C2CD5: variants seen among roughly 807,000 people sequenced by gnomAD.
C2CD5 encodes C2 domain-containing protein 5.
Under a neutral mutation model 130.3 loss-of-function variants are expected in C2CD5, and 109 were observed. The observed-to-expected ratio is 0.84, with a 90% confidence interval of 0.72 to 0.98. The LOEUF is 0.98. Ranked by LOEUF, C2CD5 falls within the 50% of genes least tolerant of loss-of-function variation. The probability of loss-of-function intolerance (pLI) is 0.00; values close to 1 mark genes in which losing one functional copy is unlikely to be tolerated. For missense variants in C2CD5, 996 were observed against 1,261.8 expected, an observed-to-expected ratio of 0.79 and a Z score of 3.19; for synonymous variants, 454 against 429.2, an observed-to-expected ratio of 1.06 and a Z score of -0.71.
In C2CD5 at chr12:22,482,736, G is replaced by T; in HGVS notation, c.1558C>A (p.Arg520Ser). Residue 520 changes from arginine to serine, a missense_variant, in exon 14 of 27, where the codon CGC becomes AGC. Transcript: ENST00000446597. ...TCTGCCTGTGCTTTCTTTTTTAAGC[G>T]ACATAACCTGTAAAGGAAAATAAGT... The part of the protein sequence containing the change: ...KGCLIQARLC[R>S]LKKKAQAEAN... 6.2e-7 allele frequency: 1 copy of T among 1,611,710 alleles called. No homozygotes were observed. The highest frequency in any genetic ancestry group is 1.1e-5 in the South Asian group (1 of 90,982).
intron 10 of C2CD5, among the ~76,000 whole-genome samples, chr12:22,503,560 G>A (rs1480896997): frequency 1.3e-5 from 2 of 152,116 alleles, no homozygotes; most frequent in African/African-American, 2.4e-5. Context: ...ACCTAGGCTG[G>A]AGTGCAGTGG....
intron 22 of C2CD5, among the ~76,000 whole-genome samples, chr12:22,467,215 G>C (rs1173167070): frequency 3.3e-5 from 5 of 152,050 alleles, no homozygotes; most frequent in Non-Finnish European, 7.4e-5. Flanking sequence ...TGTCGCCCAG[G>C]CTGGAGTGCA....
Position 22,449,835 on chromosome 12 carries a change from G to A in C2CD5, c.3081C>T (p.Asp1027=). 2 of 1,611,098 alleles carry A rather than the reference G, an allele frequency of 1.2e-6. No homozygotes were observed. Among genetic ancestry groups the A allele is most frequent in the Non-Finnish European group, 1.7e-6 (2 of 1,177,744 alleles). The change falls in exon 27 of 27, where the codon GAC becomes GAT. Residue 1027 remains aspartate, a synonymous_variant. Coordinates refer to ENST00000446597, the MANE Select transcript of C2CD5 (RefSeq NM_001286176.2). ...GDAVVFVRES[D]LEVVSSQQPT... is the part of the protein sequence containing the mutation. ...GTTGCTGAGATGACACCACTTCTAA[G>A]TCAGATTCACGAACAAAAACCACTG... is the stretch of plus-strand genomic sequence containing the variant.
At chr12:22,512,597 A>G in intron 9 of C2CD5, 1 of 1,230,438 alleles carries the variant, frequency 8.1e-7, no homozygotes, top group Non-Finnish European at 1.1e-6. Context: ...TTAAAACTAG[A>G]AAGCTATCAA....
chr12:22,502,818 A>G (rs1477145989), intron 10 of C2CD5: 5 of 1,490,328 alleles, frequency 3.4e-6, no homozygotes, highest in Non-Finnish European at 4.5e-6. Flanking sequence ...AGTTCAAAAC[A>G]GCAAATTAGT....
At chr12:22,493,866 T>C (rs1946666699) in intron 10 of C2CD5, among the ~76,000 whole-genome samples, 1 of 151,654 alleles carries the variant, frequency 6.6e-6, no homozygotes, top group Admixed American at 6.6e-5. Context: ...TGTGGGTCTT[T>C]AGGCAAAATA....
chr12:22,542,831 A>T (rs1392579822), intron 2 of C2CD5, among the ~76,000 whole-genome samples: 1 of 152,218 alleles, frequency 6.6e-6, no homozygotes, highest in Non-Finnish European at 1.5e-5. Flanking sequence ...CTATAGCAGG[A>T]CTGTTGTGAA....
chr12:22,527,624 T>C (rs1950847199), intron 4 of C2CD5, 97 bp downstream of exon 4: 5 of 719,894 alleles, frequency 6.9e-6, no homozygotes, highest in Non-Finnish European at 1.1e-5. Context: ...AGCCTAAAGA[T>C]ACATATTTTA....
At chr12:22,474,571 T>C (rs1431812713) in intron 16 of C2CD5, among the ~76,000 whole-genome samples, 180 bp downstream of exon 16, 2 of 152,204 alleles carry the variant, frequency 1.3e-5, no homozygotes, top group African/African-American at 4.8e-5. Flanking sequence ...TGACCTGGTA[T>C]TGAACAAACA....
chr12:22,470,965 T>C (rs1269752960), intron 20 of C2CD5, 54 bp from the exon 21 acceptor site: 14 of 1,276,822 alleles, frequency 1.1e-5, no homozygotes, highest in African/African-American at 1.5e-5. Flanking sequence ...CAAAACTAAG[T>C]TTCTTACATA....
At chr12:22,496,171 T>C (rs1453498043) in intron 10 of C2CD5, among the ~76,000 whole-genome samples, 20 of 152,148 alleles carry the variant, frequency 1.3e-4, no homozygotes, top group Non-Finnish European at 1.5e-5. Context: ...TTTATACTCA[T>C]GCCAGACATG....
intron 14 of C2CD5, among the ~76,000 whole-genome samples, chr12:22,479,321 G>A (rs563320164): frequency 2.6e-4 from 39 of 152,042 alleles, no homozygotes; most frequent in African/African-American, 7.0e-4. Flanking sequence ...TGATCCGCCT[G>A]CCTTGGCCTC....
At chr12:22,472,192 A>G in intron 18 of C2CD5, 94 bp downstream of exon 18, 2 of 879,216 alleles carry the variant, frequency 2.3e-6, no homozygotes, top group Non-Finnish European at 3.6e-6. Flanking sequence ...TTTAATTGCA[A>G]TAAGGAGGTA....
chr12:22,491,420 C>T (rs188087053), intron 11 of C2CD5, among the ~76,000 whole-genome samples: 1 of 152,240 alleles, frequency 6.6e-6, no homozygotes, highest in East Asian at 1.9e-4. Flanking sequence ...CAAAATCCAA[C>T]TCAAGCATCA....
chr12:22,474,173 A>C (rs867709507), intron 16 of C2CD5, among the ~76,000 whole-genome samples: 8 of 152,184 alleles, frequency 5.3e-5, no homozygotes, highest in South Asian at 2.1e-4. Context: ...GAAAAAGAAA[A>C]ATCTATCTCT....
At position 22,478,132 on chromosome 12, in the gene C2CD5, C is replaced by A. The variant is rs970469196; in HGVS notation, c.1902+181G>T. On this transcript the variant is annotated intron_variant, in intron 15 of 26. Coordinates refer to ENST00000446597, the MANE Select transcript of C2CD5 (RefSeq NM_001286176.2). ...TGAAGTCACAATTTTTAAATAGGATCGTTAGAGTAGGCTTACCCGAAAAGG... is the reference window on the plus strand; with the variant it reads ...TGAAGTCACAATTTTTAAATAGGATAGTTAGAGTAGGCTTACCCGAAAAGG... 1.4e-5 allele frequency: 8 copies of A among 575,248 alleles called. No homozygotes were observed. In the African/African-American group the frequency reaches 1.5e-4, roughly 11 times the overall value. The allele number at this position is 575,248 out of a possible 1,614,324, so 35.6% of individuals were successfully genotyped here. A position where few individuals can be genotyped will look rare whatever the true frequency, so the allele number is the denominator to read the frequency against.
At chr12:22,520,776 AAG>A (rs1475952109) in intron 7 of C2CD5, among the ~76,000 whole-genome samples, 5 of 152,102 alleles carry the variant, frequency 3.3e-5, no homozygotes, top group Admixed American at 2.0e-4. Flanking sequence ...TTCTATTGTC[AAG>A]AGAGTTAAGC....
chr12:22,455,171 T>C (rs1242383352), intron 25 of C2CD5, among the ~76,000 whole-genome samples: 1 of 152,144 alleles, frequency 6.6e-6, no homozygotes, highest in Non-Finnish European at 1.5e-5. Context: ...CTTTTTGTAG[T>C]TAGGGAATTA....
At chr12:22,474,720 C>T (rs374672582) in intron 16 of C2CD5, 31 bp downstream of exon 16, 1 of 1,532,362 alleles carries the variant, frequency 6.5e-7, no homozygotes, top group Non-Finnish European at 8.8e-7. Flanking sequence ...GCTTCCAAAA[C>T]CTTTAAGAAA....
Sources: gnomAD v4.1 joint callset for allele counts (sites outside exome capture counted in the v4.1 genomes callset) on GRCh38, gnomAD v4.1.1 for gene constraint, MANE v1.5 for transcripts, NCBI Gene and HGNC (gene_info 2026-07-23, HGNC 2026-07-21) for gene names.